SEPTIN10: variants seen among roughly 807,000 people sequenced by gnomAD.
The protein encoded by SEPTIN10 is septin 10.
SEPTIN10 carries 66 observed loss-of-function variants against 54.8 expected under a neutral mutation model. The observed-to-expected ratio is 1.21, with a 90% confidence interval of 0.99 to 1.48. SEPTIN10 has a LOEUF of 1.48. Among genes scored for constraint, SEPTIN10 ranks in the 40% most tolerant of loss-of-function variants. The pLI is 0.00. For missense variants in SEPTIN10, 620 were observed against 545.6 expected, an observed-to-expected ratio of 1.14 and a Z score of -1.36; for synonymous variants, 161 against 181.0, an observed-to-expected ratio of 0.89 and a Z score of 0.89.
At chr2:109,575,294 A>C (rs1689423583) in intron 4 of SEPTIN10, among the ~76,000 whole-genome samples, 1 of 152,260 alleles carries the variant, frequency 6.6e-6, no homozygotes, top group Admixed American at 6.5e-5. Flanking sequence ...ATGCATAGGC[A>C]TCAATAACTC....
intron 4 of SEPTIN10, among the ~76,000 whole-genome samples, chr2:109,581,911 T>C (rs1691239950): frequency 6.6e-6 from 1 of 152,174 alleles, no homozygotes; most frequent in Non-Finnish European, 1.5e-5. Context: ...TATAATTTCA[T>C]ACCTAGACAA....
intron 1 of SEPTIN10, among the ~76,000 whole-genome samples, chr2:109,598,889 T>A (rs867518960): frequency 2.7e-5 from 4 of 150,890 alleles, no homozygotes; most frequent in Middle Eastern, 6.8e-3. Flanking sequence ...CAAAAAAAAA[T>A]AAAAATAAAA....
chr2:109,603,084 A>G (rs1296131624), intron 1 of SEPTIN10, among the ~76,000 whole-genome samples: 1 of 151,806 alleles, frequency 6.6e-6, no homozygotes, highest in Non-Finnish European at 1.5e-5. Flanking sequence ...AACAAAACAA[A>G]AAAAACAAAA....
chr2:109,564,340 T>C, intron 8 of SEPTIN10, 26 bp downstream of exon 8: 1 of 1,499,702 alleles, frequency 6.7e-7, no homozygotes, highest in Non-Finnish European at 8.9e-7. Context: ...TCCTCTTTGG[T>C]TGGCTTCCCA....
At chr2:109,601,882 A>G (rs1408254261) in intron 1 of SEPTIN10, among the ~76,000 whole-genome samples, 3 of 152,154 alleles carry the variant, frequency 2.0e-5, no homozygotes, top group Admixed American at 1.3e-4. Context: ...CTTTTTCCCA[A>G]TGTTGTTAGC....
chr2:109,553,040 G>A (rs1361952491), intron 9 of SEPTIN10, 47 bp downstream of exon 9: 1 of 1,586,576 alleles, frequency 6.3e-7, no homozygotes, highest in African/African-American at 1.4e-5. Flanking sequence ...CAAATTAATA[G>A]GACATCTAAA....
chr2:109,553,460 C>A (rs1185658036), intron 8 of SEPTIN10, among the ~76,000 whole-genome samples: 1 of 151,826 alleles, frequency 6.6e-6, no homozygotes, highest in African/African-American at 2.4e-5. Context: ...GGGAGAATCA[C>A]CTGAACCCAG....
chr2:109,610,318 G>C (rs1002640128), intron 1 of SEPTIN10, among the ~76,000 whole-genome samples: 1 of 152,060 alleles, frequency 6.6e-6, no homozygotes, highest in African/African-American at 2.4e-5. Context: ...TCAATCTCTT[G>C]ACCTCATGAT....
chr2:109,557,252 C>G (rs1684595364), intron 8 of SEPTIN10, among the ~76,000 whole-genome samples: 1 of 152,160 alleles, frequency 6.6e-6, no homozygotes, highest in Non-Finnish European at 1.5e-5. Flanking sequence ...CTTCATTAAT[C>G]TATACAAGCA....
Position 109,606,507 on chromosome 2 carries a change from T to C in SEPTIN10, c.30+7291A>G, listed in dbSNP as rs568982200. Among the ~76,000 whole-genome samples, 5 of 152,288 alleles carry C rather than the reference T, an allele frequency of 3.3e-5. No homozygotes were observed. The South Asian group carries it at 8.3e-4, about 25-fold the overall frequency. On this transcript the variant is annotated intron_variant, in intron 1 of 10. Coordinates refer to ENST00000397712, the MANE Select transcript of SEPTIN10 (RefSeq NM_144710.5). ...AGCATCTGGTAGCATTCAATTACCA[T>C]AGTGGACATAGTTATAGCCATAAAG...
chr2:109,611,195 G>A (rs1699181936), intron 1 of SEPTIN10, among the ~76,000 whole-genome samples: 1 of 151,978 alleles, frequency 6.6e-6, no homozygotes, highest in Non-Finnish European at 1.5e-5. Context: ...CTCAAAATGG[G>A]TCATAACATA....
intron 1 of SEPTIN10, chr2:109,613,160 G>A: frequency 7.8e-7 from 1 of 1,288,700 alleles, no homozygotes; most frequent in Non-Finnish European, 1.0e-6. Flanking sequence ...TACTATTAAC[G>A]AAAATAGTTG....
intron 2 of SEPTIN10, among the ~76,000 whole-genome samples, chr2:109,592,520 C>T (rs186485919): frequency 1.3e-5 from 2 of 150,932 alleles, no homozygotes; most frequent in East Asian, 4.0e-4. Context: ...GCGCAGTGGC[C>T]TGTAATCCTA....
chr2:109,574,853 T>C (rs1025282878), intron 4 of SEPTIN10, 86 bp from the exon 5 acceptor site: 3 of 881,728 alleles, frequency 3.4e-6, no homozygotes, highest in Admixed American at 3.3e-5. Flanking sequence ...GAGGTCTATA[T>C]TTTCACTAAT....
chr2:109,580,013 C>T (rs1203077441), intron 4 of SEPTIN10, among the ~76,000 whole-genome samples: 3 of 151,678 alleles, frequency 2.0e-5, no homozygotes, highest in East Asian at 2.0e-4. Context: ...CCCAGCTACT[C>T]GGGAGGCTGA....
intron 9 of SEPTIN10, among the ~76,000 whole-genome samples, chr2:109,548,158 G>A (rs1194390224): frequency 2.1e-5 from 3 of 143,914 alleles, no homozygotes; most frequent in Non-Finnish European, 4.5e-5. Flanking sequence ...GGTGGACCTG[G>A]TTTAATTGTG....
intron 1 of SEPTIN10, 23 bp downstream of exon 1, chr2:109,613,775 G>A: frequency 8.2e-7 from 1 of 1,219,314 alleles, no homozygotes; most frequent in Non-Finnish European, 1.0e-6. Flanking sequence ...CGGGGCTGGG[G>A]CCCCGGCGTC....
chr2:109,599,543 T>C (rs1696151663), intron 1 of SEPTIN10, among the ~76,000 whole-genome samples: 1 of 151,608 alleles, frequency 6.6e-6, no homozygotes, highest in African/African-American at 2.4e-5. Flanking sequence ...CCAGTGTGCA[T>C]GGCCTGTTTG....
At chr2:109,554,850 T>C (rs944185824) in intron 8 of SEPTIN10, among the ~76,000 whole-genome samples, 1 of 152,212 alleles carries the variant, frequency 6.6e-6, no homozygotes, top group Admixed American at 6.5e-5. Context: ...AGTGCTGATA[T>C]GGAGTACTAG....
Sources: gnomAD v4.1 joint callset for allele counts (sites outside exome capture counted in the v4.1 genomes callset) on GRCh38, gnomAD v4.1.1 for gene constraint, MANE v1.5 for transcripts, NCBI Gene and HGNC (gene_info 2026-07-23, HGNC 2026-07-21) for gene names.